Variants in GDPD5 observed in about 807,000 individuals in gnomAD.
GDPD5 encodes the protein glycerophosphodiester phosphodiesterase domain containing 5.
GDPD5 carries 48 observed loss-of-function variants against 75.1 expected under a neutral mutation model. The observed-to-expected ratio is 0.64, with a 90% CI of 0.51 to 0.81. The LOEUF (loss-of-function observed/expected upper bound fraction) is 0.81, where lower values mean the gene tolerates loss of function less well. Among genes scored for constraint, GDPD5 ranks in the 40% least tolerant of loss-of-function variants. The probability of loss-of-function intolerance (pLI) is 0.00; values close to 1 mark genes in which losing one functional copy is unlikely to be tolerated. For missense variants in GDPD5, 706 were observed against 822.6 expected, an observed-to-expected ratio of 0.86 and a Z score of 1.73; for synonymous variants, 336 against 339.0, an observed-to-expected ratio of 0.99 and a Z score of 0.10.
chr11:75,456,532 AATG>A (rs1160903846), intron 6 of GDPD5: 1 of 575,792 alleles, frequency 1.7e-6, no homozygotes, highest in Admixed American at 3.0e-5. Context: ...CACAAAATGG[AATG>A]ATAACAGTAC....
intron 15 of GDPD5, 62 bp downstream of exon 15, chr11:75,439,817 G>A: frequency 1.5e-6 from 2 of 1,345,250 alleles, no homozygotes. Flanking sequence ...CACCTGGCTG[G>A]GGTGGGGGCT....
At chr11:75,496,920 A>C (rs1443231500) in intron 1 of GDPD5, among the ~76,000 whole-genome samples, 2 of 151,544 alleles carry the variant, frequency 1.3e-5, no homozygotes, top group Non-Finnish European at 2.9e-5. Flanking sequence ...CTCTAGGACT[A>C]TAGGTATGTG....
chr11:75,494,780 C>T (rs1411004399), intron 1 of GDPD5, among the ~76,000 whole-genome samples: 4 of 151,728 alleles, frequency 2.6e-5, no homozygotes, highest in Non-Finnish European at 4.4e-5. Flanking sequence ...GGTGAAATCC[C>T]GTCTCTACTA....
chr11:75,475,866 G>C (rs1001696208), intron 3 of GDPD5, among the ~76,000 whole-genome samples: 10 of 152,160 alleles, frequency 6.6e-5, no homozygotes, highest in African/African-American at 2.4e-4. Flanking sequence ...AGCCTTGCAG[G>C]GCACATTCTG....
intron 4 of GDPD5, among the ~76,000 whole-genome samples, chr11:75,458,173 G>A (rs1157517546): frequency 1.3e-5 from 2 of 152,220 alleles, no homozygotes; most frequent in African/African-American, 4.8e-5. Flanking sequence ...ACACAGGCTG[G>A]ATTCACATCC....
intron 3 of GDPD5, among the ~76,000 whole-genome samples, chr11:75,474,225 G>A (rs1217502164): frequency 6.6e-6 from 1 of 152,222 alleles, no homozygotes; most frequent in Non-Finnish European, 1.5e-5. Context: ...TGCAAGAATC[G>A]GCTATGGTAG....
At chr11:75,478,885 G>A (rs184374222) in intron 2 of GDPD5, among the ~76,000 whole-genome samples, 46 of 152,334 alleles carry the variant, frequency 3.0e-4, no homozygotes, top group Middle Eastern at 3.4e-3. Context: ...AGAACAAGGA[G>A]CAATGCCTGG....
chr11:75,525,928 G>A lies in GDPD5; in HGVS notation c.-863C>T, dbSNP rs1167690932. The stretch of plus-strand genomic sequence containing the variant: ...GCCACCCACCCCCACCGGAGCCGCA[G>A]CCCGAGCTCAGCCGAAACAGCGCCG... On this transcript the variant is annotated 5_prime_UTR_variant, in exon 1 of 17. Coordinates refer to ENST00000336898, the MANE Select transcript of GDPD5 (RefSeq NM_030792.8). 3 of 142,130 alleles carry A rather than the reference G, an allele frequency of 2.1e-5. No homozygotes were observed. Among genetic ancestry groups the A allele is most frequent in the African/African-American group, 5.1e-5 (2 of 39,050 alleles). 8.8% of individuals were successfully genotyped at this position (142,130 alleles called of 1,614,324 possible). A position where few individuals can be genotyped will look rare whatever the true frequency, so the allele number is the denominator to read the frequency against.
At chr11:75,435,947 GC>G (rs1042500291) in intron 16 of GDPD5, among the ~76,000 whole-genome samples, 1 of 152,184 alleles carries the variant, frequency 6.6e-6, no homozygotes, top group Non-Finnish European at 1.5e-5. Flanking sequence ...GCATGTGTCA[GC>G]CCCTCTCTTA....
chr11:75,513,304 TAAGGCACACAGCCAGC>T (rs1249786706), intron 1 of GDPD5, among the ~76,000 whole-genome samples: 3 of 152,158 alleles, frequency 2.0e-5, no homozygotes, highest in African/African-American at 7.2e-5. Flanking sequence ...GATGTTCTCT[TAAGGCACACAGCCAGC>T]AAGGCAGGTG....
chr11:75,482,437 C>A (rs974798308), intron 2 of GDPD5, among the ~76,000 whole-genome samples: 1 of 152,174 alleles, frequency 6.6e-6, no homozygotes, highest in African/African-American at 2.4e-5. Flanking sequence ...GCCAGCAGCT[C>A]CTGGATGTCT....
In GDPD5 at chr11:75,525,638, G is replaced by C. The variant is rs1941638879; in HGVS notation, c.-573C>G. The C allele has an allele frequency of 6.6e-6, 1 of 151,666 alleles. No homozygotes were observed. The highest frequency in any genetic ancestry group is 1.5e-5 in the Non-Finnish European group (1 of 67,882). 9.4% of individuals were successfully genotyped at this position (151,666 alleles called of 1,614,324 possible). ...CGTCCCGGCGCAGCGGGTCAGGGCC[G>C]GGGCTCCGCGCGTCCCGGCCGCACG... On this transcript the variant is annotated 5_prime_UTR_variant, in exon 1 of 17. Coordinates refer to ENST00000336898, the MANE Select transcript of GDPD5 (RefSeq NM_030792.8).
intron 3 of GDPD5, among the ~76,000 whole-genome samples, chr11:75,472,654 G>C (rs576442570): frequency 1.3e-5 from 2 of 152,192 alleles, no homozygotes; most frequent in South Asian, 4.2e-4. Flanking sequence ...TGCCCCACCT[G>C]GTCAGCAAGA....
At position 75,441,285 on chromosome 11, in the gene GDPD5, C is replaced by G. The variant is rs923566773; in HGVS notation, c.1351G>C (p.Val451Leu). The change falls in exon 14 of 17, where the codon GTG becomes CTG. Residue 451 changes from valine to leucine, a missense_variant. Transcript: ENST00000336898. ...LRDYASWNLS[V>L]NLYTVNAPWL... ...GGTGCGTTGACTGTGTAGAGGTTCA[C>G]ACTCAGGTTCCAGGACGCGTAGTCC... 6.2e-7 allele frequency: 1 copy of G among 1,614,166 alleles called. No homozygotes were observed.
At chr11:75,496,811 C>T in intron 1 of GDPD5, among the ~76,000 whole-genome samples, 1 of 111,470 alleles carries the variant, frequency 9.0e-6, no homozygotes, top group South Asian at 2.9e-4. Context: ...GACGGAGTCT[C>T]GCTCTGTTAT....
chr11:75,435,430 T>G lies in GDPD5; in HGVS notation c.*77A>C. The G allele has an allele frequency of 7.3e-7, 1 of 1,377,110 alleles. No individual in the cohort carries two copies. 85.3% of individuals were successfully genotyped at this position (1,377,110 alleles called of 1,614,324 possible). On this transcript the variant is annotated 3_prime_UTR_variant, in exon 17 of 17. Transcript: ENST00000336898. Reference sequence around the variant, plus strand: ...GAGCCCGCTCCCAGAGCACTCCGAGTTCAGACACACTTCCACCAGCTCTCC... The same window carrying G: ...GAGCCCGCTCCCAGAGCACTCCGAGGTCAGACACACTTCCACCAGCTCTCC...
At chr11:75,520,820 G>A (rs72989934) in intron 1 of GDPD5, among the ~76,000 whole-genome samples, 4,034 of 152,358 alleles carry the variant, frequency 0.026, 84 homozygotes, top group African/African-American at 0.045. Context: ...TGACCCCGCT[G>A]TGGCCCGGCC....
chr11:75,456,786 G>A lies in GDPD5; in HGVS notation c.346C>T (p.Gln116Ter). The A allele has an allele frequency of 6.2e-7, 1 of 1,614,236 alleles. No homozygotes were observed. The highest frequency in any genetic ancestry group is 8.5e-7 in the Non-Finnish European group (1 of 1,180,040). ...TGCAGCCAGTGCAGGTTCATCTGCT[G>A]CCCCACGGCAATGTGACATAGTGCC... is the stretch of plus-strand genomic sequence containing the variant. ...VLALCHIAVG[Q>*]QMNLHWLHKI... The change falls in exon 6 of 17, where the codon CAG becomes TAG. Residue 116 changes from glutamine to a stop codon, truncating the protein, a stop_gained. Transcript: ENST00000336898. LOFTEE classifies it high-confidence loss of function.
At position 75,457,705 on chromosome 11, in the gene GDPD5, G is replaced by A. The variant is rs750405582; in HGVS notation, c.303C>T (p.Ile101=). ...LVTTAAAFAY[I]AGLLVLALCH... ...CAGCCCCATGTACCAGGAGGCCAGC[G>A]ATGTATGCGAAGGCAGCAGCTGTGG... Residue 101 remains isoleucine, a synonymous_variant, in exon 5 of 17, where the codon ATC becomes ATT. Transcript: ENST00000336898. 10 of 1,613,978 alleles carry A rather than the reference G, an allele frequency of 6.2e-6. No homozygotes were observed. The African/African-American group carries it at 8.0e-5, about 13-fold the overall frequency.
Sources: gnomAD v4.1 joint callset for allele counts (sites outside exome capture counted in the v4.1 genomes callset) on GRCh38, gnomAD v4.1.1 for gene constraint, MANE v1.5 for transcripts, NCBI Gene and HGNC (gene_info 2026-07-23, HGNC 2026-07-21) for gene names.